RNPEP: variants seen among roughly 807,000 people sequenced by gnomAD.
RNPEP encodes the protein arginyl aminopeptidase.
RNPEP carries 57 observed loss-of-function variants against 70.1 expected under a neutral mutation model. The observed-to-expected ratio is 0.81, with a 90% CI of 0.66 to 1.01. RNPEP has a LOEUF of 1.01. Among genes scored for constraint, RNPEP ranks in the 50% least tolerant of loss-of-function variants. RNPEP has a pLI of 0.00. For synonymous variants in RNPEP, 335 were observed against 357.4 expected, an observed-to-expected ratio of 0.94 and a Z score of 0.71; for missense variants, 787 against 852.4, an observed-to-expected ratio of 0.92 and a Z score of 0.96.
chr1:201,997,864 A>G (rs907766422), intron 5 of RNPEP, among the ~76,000 whole-genome samples: 24 of 151,142 alleles, frequency 1.6e-4, no homozygotes, highest in African/African-American at 5.6e-4. Flanking sequence ...CCCGGCTTCA[A>G]GCGATTCTCC....
intron 10 of RNPEP, among the ~76,000 whole-genome samples, chr1:202,004,743 A>G (rs1216607322): frequency 6.6e-6 from 1 of 152,244 alleles, no homozygotes; most frequent in East Asian, 1.9e-4. Flanking sequence ...CCCAGGGAAA[A>G]AAGCTGGCCA....
Position 201,997,404 on chromosome 1 carries a change from G to A in RNPEP, c.940G>A (p.Ala314Thr), listed in dbSNP as rs749978824. 6.2e-7 allele frequency: 1 copy of A among 1,614,132 alleles called. No individual in the cohort carries two copies. Among genetic ancestry groups the A allele is most frequent in the East Asian group, 2.2e-5 (1 of 44,862 alleles). Residue 314 changes from alanine to threonine, a missense_variant, in exon 5 of 11, where the codon GCT (alanine) becomes ACT (threonine). Ala to Thr is a moderately conservative substitution (Grantham distance 58). Coordinates refer to ENST00000295640, the MANE Select transcript of RNPEP (RefSeq NM_020216.4). ...GACCTTTGTCACCCCCTGCCTGCTA[G>A]CTGGGGACCGCTCCTTGGCAGATGT... ...CLTFVTPCLL[A>T]GDRSLADVII...
rs1400952608 is a variant in RNPEP, at chr1:202,005,934, A to G, written c.*218A>G. 3.5e-6 allele frequency: 2 copies of G among 567,140 alleles called. No individual in the cohort carries two copies. The highest frequency in any genetic ancestry group is 6.2e-6 in the Non-Finnish European group (2 of 321,700). The allele number at this position is 567,140 out of a possible 1,614,324, so 35.1% of individuals were successfully genotyped here. The stretch of plus-strand genomic sequence containing the variant: ...GCCCCGAGACAGAGAACCTGCCCAC[A>G]GCTCTCCCCGCTACAGGCTGCAGGC... On this transcript the variant is annotated 3_prime_UTR_variant, in exon 11 of 11. Transcript: ENST00000295640.
rs1040317490 is a variant in RNPEP, at chr1:202,001,703, C to G, written c.1362C>G (p.Asp454Glu). The stretch of plus-strand genomic sequence containing the variant: ...AATTCCGAAGCATCTTAGCCGATGA[C>G]TTTCTGGACTTCTACTTGGAATATT... The part of the protein sequence containing the change: ...EFKFRSILAD[D>E]FLDFYLEYFP... The change falls in exon 8 of 11, where the codon GAC (aspartate) becomes GAG (glutamate). Residue 454 changes from aspartate (D) to glutamate (E), a missense_variant. Asp to Glu is a conservative substitution (Grantham distance 45, BLOSUM62 2). Coordinates refer to ENST00000295640, the MANE Select transcript of RNPEP (RefSeq NM_020216.4). 1 of 1,613,854 alleles carries G rather than the reference C, an allele frequency of 6.2e-7. No homozygotes were observed. The highest frequency in any genetic ancestry group is 1.3e-5 in the African/African-American group (1 of 75,040).
intron 3 of RNPEP, among the ~76,000 whole-genome samples, chr1:201,990,963 A>T (rs6666804): frequency 0.15 from 22,256 of 152,194 alleles, 1,734 homozygotes; most frequent in Admixed American, 0.2. Context: ...AGTGATAATG[A>T]TTTCTTTTTA....
chr1:202,005,348 C>T (rs549278036), intron 10 of RNPEP, among the ~76,000 whole-genome samples: 31 of 152,246 alleles, frequency 2.0e-4, no homozygotes, highest in East Asian at 1.7e-3. Context: ...GATTGGGACG[C>T]GTATTGAGAT....
rs1355974505 is a variant in RNPEP at position 201,984,830 on chromosome 1, T to TTTC, written c.447+1719_447+1720insCTT. 5.5e-3 allele frequency among the ~76,000 whole-genome samples: 71 copies of TTTC among 12,950 alleles called. 4 individuals are homozygous for TTTC. Among genetic ancestry groups the TTTC allele is most frequent in the Non-Finnish European group, 0.01 (46 of 4,454 alleles). The allele number at this position is 12,950 out of a possible 152,430, so 8.5% of individuals were successfully genotyped here. On this transcript the variant is annotated intron_variant, in intron 1 of 10. Coordinates refer to ENST00000295640, the MANE Select transcript of RNPEP (RefSeq NM_020216.4). ...ACTTTTGTATTTCTTTCTTTTTTTT[T>TTTC]TTTTTTTTTTTTTTTTTTTTTTTTT...
chr1:201,991,481 G>C (rs1403376525), intron 3 of RNPEP, among the ~76,000 whole-genome samples: 1 of 152,190 alleles, frequency 6.6e-6, no homozygotes, highest in African/African-American at 2.4e-5. Context: ...GTTACTGCAA[G>C]AGGAAAATCC....
rs1571625964 is a variant in RNPEP at position 201,989,523 on chromosome 1, T to C, written c.729T>C (p.Val243=). The change falls in exon 3 of 11, where the codon GTT becomes GTC. Residue 243 remains valine (V), a synonymous_variant. Coordinates refer to ENST00000295640, the MANE Select transcript of RNPEP (RefSeq NM_020216.4). ...LAIGDLVSAE[V]GPRSRVWAEP... ...TCGGAGATCTGGTTTCGGCTGAAGT[T>C]GGACCCAGGTAGGAGACAAAGACCC... The C allele has an allele frequency of 6.2e-7, 1 of 1,614,156 alleles. No individual in the cohort carries two copies. The highest frequency in any genetic ancestry group is 1.7e-5 in the Admixed American group (1 of 59,994).
chr1:202,002,836 A>C (rs1683883918), intron 8 of RNPEP, among the ~76,000 whole-genome samples: 1 of 152,220 alleles, frequency 6.6e-6, no homozygotes, highest in South Asian at 2.1e-4. Context: ...TGAGGTGCAG[A>C]GAGGTGAAGT....
chr1:201,989,264 C>T, intron 2 of RNPEP, 119 bp from the exon 3 acceptor site: 1 of 1,320,520 alleles, frequency 7.6e-7, no homozygotes, highest in Non-Finnish European at 1.0e-6. Context: ...CCTTTGTGTT[C>T]TCCAAGATAG....
intron 3 of RNPEP, 118 bp from the exon 4 acceptor site, chr1:201,996,029 G>A (rs1034790102): frequency 1.4e-5 from 10 of 719,554 alleles, no homozygotes; most frequent in Admixed American, 2.5e-5. Flanking sequence ...CGTCACTGTG[G>A]CTGACTGCAT....
At position 201,983,069 on chromosome 1, in the gene RNPEP, C is replaced by G. The variant is rs570456900; in HGVS notation, c.403C>G (p.Arg135Gly). ...SFPQPCRAAE[R>G]LQVLLTYRVG... ...CCCGCAGCCCTGCCGCGCCGCCGAG[C>G]GCCTCCAGGTGCTGCTCACCTACCG... Residue 135 changes from arginine (R) to glycine (G), a missense_variant, in exon 1 of 11, where the codon CGC (arginine) becomes GGC (glycine). By Grantham distance (125) the Arg-to-Gly change is moderately radical (BLOSUM62 -2). Coordinates refer to ENST00000295640, the MANE Select transcript of RNPEP (RefSeq NM_020216.4). 2 of 1,525,920 alleles carry G rather than the reference C, an allele frequency of 1.3e-6. No individual in the cohort carries two copies. Among genetic ancestry groups the G allele is most frequent in the African/African-American group, 1.4e-5 (1 of 70,242 alleles). The allele number at this position is 1,525,920 out of a possible 1,614,324, so 94.5% of individuals were successfully genotyped here. A position where few individuals can be genotyped will look rare whatever the true frequency, so the allele number is the denominator to read the frequency against.
chr1:201,992,925 A>G (rs1278904959), intron 3 of RNPEP, among the ~76,000 whole-genome samples: 1 of 152,186 alleles, frequency 6.6e-6, no homozygotes, highest in Non-Finnish European at 1.5e-5. Context: ...GTGTGCTTTC[A>G]AGGTTGTTCA....
intron 4 of RNPEP, 122 bp downstream of exon 4, chr1:201,996,385 T>A (rs1683551872): frequency 1.1e-5 from 8 of 746,066 alleles, no homozygotes; most frequent in Non-Finnish European, 1.9e-5. Flanking sequence ...ATCCCAGAAG[T>A]GAAGGAGAGG....
At chr1:201,984,939 T>C (rs1170810018) in intron 1 of RNPEP, among the ~76,000 whole-genome samples, 1 of 148,424 alleles carries the variant, frequency 6.7e-6, no homozygotes, top group Admixed American at 6.9e-5. Context: ...ACATCTGTAA[T>C]CCCAGCACTT....
chr1:201,996,367 T>G, intron 4 of RNPEP, 104 bp downstream of exon 4: 1 of 815,684 alleles, frequency 1.2e-6, no homozygotes, highest in East Asian at 2.4e-5. Context: ...CAGAGCAAAG[T>G]TTCCCTGATC....
In RNPEP at chr1:202,001,489, G is replaced by A. The variant is rs1327725897; in HGVS notation, c.1317+1G>A. 4.4e-6 allele frequency: 7 copies of A among 1,600,894 alleles called. No individual in the cohort carries two copies. Among genetic ancestry groups the A allele is most frequent in the Non-Finnish European group, 1.7e-6 (2 of 1,168,110 alleles). ...GGATCAGTTTGACAGTTTTCTCAAGGTATAGTCACATGAGGGGAGAAGGAA... is the reference window on the plus strand; with the variant it reads ...GGATCAGTTTGACAGTTTTCTCAAGATATAGTCACATGAGGGGAGAAGGAA... On this transcript the variant is annotated splice_donor_variant, in intron 7 of 10. Coordinates refer to ENST00000295640, the MANE Select transcript of RNPEP (RefSeq NM_020216.4). LOFTEE classifies it high-confidence loss of function.
chr1:201,993,464 G>A (rs563725516), intron 3 of RNPEP, among the ~76,000 whole-genome samples: 1 of 152,104 alleles, frequency 6.6e-6, no homozygotes, highest in Non-Finnish European at 1.5e-5. Context: ...GGACATGGTG[G>A]TGCACACCTA....
Sources: allele counts gnomAD v4.1 joint callset (sites outside exome capture counted in the v4.1 genomes callset), GRCh38; gene constraint gnomAD v4.1.1; transcripts MANE v1.5; gene names NCBI Gene and HGNC (gene_info 2026-07-23, HGNC 2026-07-21).